Variants in ABL2 observed in about 807,000 individuals in gnomAD.
ABL2 encodes ABL proto-oncogene 2, non-receptor tyrosine kinase, also known as tyrosine-protein kinase ABL2.
A neutral mutation model predicts 107.7 loss-of-function variants in ABL2; 49 were observed. The ratio of observed to expected loss-of-function variants is 0.45; its 90% CI spans 0.36 to 0.58. The LOEUF is 0.58. ABL2 is among the 20% of genes least tolerant of loss of function. ABL2 has a pLI of 0.00. For missense variants in ABL2, 1,245 were observed against 1,457.0 expected, an observed-to-expected ratio of 0.85 and a Z score of 2.37; for synonymous variants, 549 against 548.6, an observed-to-expected ratio of 1.00 and a Z score of -0.01.
intron 2 of ABL2, among the ~76,000 whole-genome samples, chr1:179,131,817 C>G (rs1483118774): frequency 1.3e-5 from 2 of 152,174 alleles, no homozygotes; most frequent in East Asian, 3.8e-4. Context: ...GAAATGGTTA[C>G]TAGCTTTATA....
intron 6 of ABL2, among the ~76,000 whole-genome samples, chr1:179,118,990 T>C (rs1201820413): frequency 1.3e-5 from 2 of 152,140 alleles, no homozygotes; most frequent in East Asian, 3.9e-4. Flanking sequence ...TGCCTCTGAG[T>C]ATTTGTCTAT....
At position 179,229,601 on chromosome 1, in the gene ABL2, T is replaced by C. The variant is rs1663440318; in HGVS notation, c.-204A>G. On this transcript the variant is annotated 5_prime_UTR_variant, in exon 1 of 12. Coordinates refer to ENST00000502732, the MANE Select transcript of ABL2 (RefSeq NM_007314.4). ...CCAGGCGACTCACAGATTCTGCTTT[T>C]CCCTCCTCCTGTCGCGGCTCCGCGC... 3.7e-6 allele frequency: 2 copies of C among 542,378 alleles called. No homozygotes were observed. Among genetic ancestry groups the C allele is most frequent in the South Asian group, 3.0e-5 (1 of 33,432 alleles). The allele number at this position is 542,378 out of a possible 1,614,324, so 33.6% of individuals were successfully genotyped here.
chr1:179,128,147 A>T (rs141589993), intron 3 of ABL2, among the ~76,000 whole-genome samples: 1 of 152,124 alleles, frequency 6.6e-6, no homozygotes, highest in African/African-American at 2.4e-5. Flanking sequence ...AAACGTTTCC[A>T]TAGAATAACT....
chr1:179,177,179 CAAG>C (rs1338695736), intron 1 of ABL2, among the ~76,000 whole-genome samples: 3 of 152,168 alleles, frequency 2.0e-5, no homozygotes, highest in South Asian at 2.1e-4. Context: ...CTATTTCTGA[CAAG>C]AAGAACAGGG....
chr1:179,195,562 C>CA (rs1661262142), intron 1 of ABL2, among the ~76,000 whole-genome samples: 1 of 152,138 alleles, frequency 6.6e-6, no homozygotes, highest in South Asian at 2.1e-4. Flanking sequence ...AGCAGGAACT[C>CA]AGATATACTT....
chr1:179,162,018 G>A (rs1322956743), intron 1 of ABL2, among the ~76,000 whole-genome samples: 1 of 152,056 alleles, frequency 6.6e-6, no homozygotes, highest in Non-Finnish European at 1.5e-5. Flanking sequence ...CGTTGATCTT[G>A]GACCTCCCAG....
At chr1:179,141,010 G>A (rs1400722774) in intron 1 of ABL2, among the ~76,000 whole-genome samples, 1 of 151,838 alleles carries the variant, frequency 6.6e-6, no homozygotes, top group East Asian at 1.9e-4. Context: ...CAACTACTCG[G>A]GAGGCTGAGG....
At chr1:179,210,369 G>GAA (rs2102864247) in intron 1 of ABL2, among the ~76,000 whole-genome samples, 1 of 151,794 alleles carries the variant, frequency 6.6e-6, no homozygotes, top group African/African-American at 2.4e-5. Flanking sequence ...AGCTGGGCGT[G>GAA]GTGGTGCACA....
At chr1:179,217,064 G>A (rs1187924006) in intron 1 of ABL2, among the ~76,000 whole-genome samples, 5 of 151,780 alleles carry the variant, frequency 3.3e-5, no homozygotes, top group Non-Finnish European at 7.4e-5. Context: ...GGGAGGCCAA[G>A]GCAGGCGGAT....
chr1:179,207,155 C>T (rs1251120880), intron 1 of ABL2, among the ~76,000 whole-genome samples: 2 of 151,292 alleles, frequency 1.3e-5, no homozygotes, highest in Admixed American at 6.6e-5. Context: ...TCTGATTCTC[C>T]ATTCTTTTCT....
chr1:179,112,378 C>T lies in ABL2; in HGVS notation c.1582G>A (p.Asp528Asn), dbSNP rs754261724. The T allele has an allele frequency of 1.7e-5, 27 of 1,613,602 alleles. No individual in the cohort carries two copies. The highest frequency in any genetic ancestry group is 7.7e-5 in the South Asian group (7 of 91,050). ...MRACWKWSPADRPSFAETHQA... is the reference protein window; with the variant it reads ...MRACWKWSPANRPSFAETHQA... ...TGTGTTTCAGCAAAAGAGGGCCTAT[C>T]GGCAGGGCTCCACTTCCAGCCTATG... The change falls in exon 10 of 12, where the codon GAT becomes AAT. Residue 528 changes from aspartate to asparagine, a missense_variant. By Grantham distance (23) the Asp-to-Asn change is conservative. Coordinates refer to ENST00000502732, the MANE Select transcript of ABL2 (RefSeq NM_007314.4).
In ABL2 at chr1:179,181,946, A is replaced by ATTT. The variant is rs34828452; in HGVS notation, c.157+47292_157+47294dup. Among the ~76,000 whole-genome samples, 518 of 91,192 alleles carry ATTT rather than the reference A, an allele frequency of 5.7e-3. 10 individuals carry two copies. The highest frequency in any genetic ancestry group is 8.2e-3 in the Middle Eastern group (1 of 122). The allele number at this position is 91,192 out of a possible 152,430, so 59.8% of individuals were successfully genotyped here. On this transcript the variant is annotated intron_variant, in intron 1 of 11. Transcript: ENST00000502732. ...TAGTCACGTGTCACCAGGCCCGGCTATTTTTTTTTTTTTTTTTTTTTTTGT... is the reference window on the plus strand; with the variant it reads ...TAGTCACGTGTCACCAGGCCCGGCTATTTTTTTTTTTTTTTTTTTTTTTTTTGT...
chr1:179,142,842 T>C (rs1011542482), intron 1 of ABL2: 3 of 1,431,884 alleles, frequency 2.1e-6, no homozygotes, highest in Non-Finnish European at 2.8e-6. Context: ...ACAAAAACAG[T>C]AGCAGATAAG....
chr1:179,169,102 C>A (rs989503946), intron 1 of ABL2, among the ~76,000 whole-genome samples: 3 of 152,028 alleles, frequency 2.0e-5, no homozygotes, highest in Admixed American at 1.3e-4. Context: ...TTGCCTAATT[C>A]TTTCAGAGAG....
intron 1 of ABL2, among the ~76,000 whole-genome samples, chr1:179,178,696 T>C (rs191102152): frequency 6.1e-4 from 92 of 151,636 alleles, no homozygotes; most frequent in African/African-American, 2.0e-3. Flanking sequence ...TCAAGACAAG[T>C]CTGGCCAACA....
chr1:179,210,348 A>C (rs529097625), intron 1 of ABL2, among the ~76,000 whole-genome samples: 91 of 151,934 alleles, frequency 6.0e-4, no homozygotes, highest in Non-Finnish European at 9.4e-4. Context: ...TCTACCAAAA[A>C]TACAAAAATT....
chr1:179,229,652 G>GCCGCCA lies in ABL2; in HGVS notation c.-256_-255insTGGCGG. 6.5e-6 allele frequency: 3 copies of GCCGCCA among 463,192 alleles called. No individual in the cohort carries two copies. The highest frequency in any genetic ancestry group is 3.1e-5 in the South Asian group (1 of 31,980). The allele number at this position is 463,192 out of a possible 1,614,324, so 28.7% of individuals were successfully genotyped here. On this transcript the variant is annotated 5_prime_UTR_variant, in exon 1 of 12. Transcript: ENST00000502732. ...CCCCAACGCCGCCGCCGCCGCCGCC[G>GCCGCCA]CCACCGCCGCCGCCATCTTTAAACC...
chr1:179,149,110 C>A (rs1658213326), intron 1 of ABL2, among the ~76,000 whole-genome samples: 1 of 152,108 alleles, frequency 6.6e-6, no homozygotes, highest in Non-Finnish European at 1.5e-5. Context: ...AGTAAAAGTT[C>A]CTGAAGAAAA....
chr1:179,219,887 T>C (rs1662779080), intron 1 of ABL2, among the ~76,000 whole-genome samples: 1 of 152,242 alleles, frequency 6.6e-6, no homozygotes, highest in African/African-American at 2.4e-5. Flanking sequence ...CACATACAAC[T>C]CATATAATCT....
Sources: gnomAD v4.1 joint callset for allele counts (sites outside exome capture counted in the v4.1 genomes callset) on GRCh38, gnomAD v4.1.1 for gene constraint, MANE v1.5 for transcripts, NCBI Gene and HGNC (gene_info 2026-07-23, HGNC 2026-07-21) for gene names.